KRT8: variants seen among roughly 807,000 people sequenced by gnomAD.
KRT8 encodes keratin 8, also known as keratin, type II cytoskeletal 8.
Under a neutral mutation model 43.0 loss-of-function variants are expected in KRT8, and 24 were observed. The ratio of observed to expected loss-of-function variants is 0.56; its 90% CI spans 0.40 to 0.78. The LOEUF is 0.78. Among genes scored for constraint, KRT8 ranks in the 30% least tolerant of loss-of-function variants. KRT8 has a pLI of 0.00. For synonymous variants in KRT8, 214 were observed against 261.2 expected (o/e 0.82, Z 1.74); for missense variants, 492 against 638.4 (o/e 0.77, Z 2.47).
At chr12:52,908,248 C>T (rs755736556), upstream of KRT8, among the ~76,000 whole-genome samples, 3 of 151,674 alleles carry the variant, frequency 2.0e-5, no homozygotes, top group Non-Finnish European at 4.4e-5. Context: ...TTTTTTGAGA[C>T]GGAGTCTCGC....
At position 52,919,883 on chromosome 12, in the gene KRT8, G is replaced by A. The variant is rs557425908; in HGVS notation, c.-46-14856C>T. 5.3e-5 allele frequency among the ~76,000 whole-genome samples: 8 copies of A among 151,802 alleles called. No homozygotes were observed. In the South Asian group the frequency reaches 1.7e-3, roughly 32 times the overall value. On this transcript the variant is annotated intron_variant, in intron 2 of 6. Transcript: ENST00000546826. ...GGCTAGTCTTGAACTCCTGACCTCA[G>A]GGGATCTGCCTGCCTTGGCCTCCCA...
intron 2 of KRT8, chr12:52,946,633 T>C (rs1942348277): frequency 6.6e-6 from 1 of 152,188 alleles, no homozygotes; most frequent in Non-Finnish European, 1.5e-5. Context: ...CCACATACTT[T>C]ATTATAAAAT....
At chr12:52,901,052 G>T in intron 3 of KRT8, 107 bp downstream of exon 3, 1 of 843,146 alleles carries the variant, frequency 1.2e-6, no homozygotes, top group Non-Finnish European at 2.1e-6. Context: ...AAATGAGTTT[G>T]TCCCACTACT....
At chr12:52,944,027 A>G (rs1038982429) in intron 2 of KRT8, among the ~76,000 whole-genome samples, 1 of 152,200 alleles carries the variant, frequency 6.6e-6, no homozygotes, top group Non-Finnish European at 1.5e-5. Flanking sequence ...TAAGTGCAAA[A>G]GAACAAGGGG....
chr12:52,897,206 G>A lies in KRT8; in HGVS notation c.*222C>T, dbSNP rs757848546. On this transcript the variant is annotated 3_prime_UTR_variant, in exon 8 of 8. Coordinates refer to ENST00000692008, the Ensembl canonical transcript of KRT8. ...AGCAAGGACATTGGCAGAGCTAGCT[G>A]AGGTTTTATTTTGGACCAAAAAAAA... 7.8e-6 allele frequency: 5 copies of A among 641,530 alleles called. No individual in the cohort carries two copies. In the African/African-American group the frequency reaches 9.0e-5, roughly 12 times the overall value. 39.7% of individuals were successfully genotyped at this position (641,530 alleles called of 1,614,324 possible).
chr12:52,929,122 T>C (rs914075842), intron 2 of KRT8, among the ~76,000 whole-genome samples: 3 of 151,758 alleles, frequency 2.0e-5, no homozygotes, highest in Non-Finnish European at 4.4e-5. Context: ...TCTTTTCAAA[T>C]CTTTTCTTCC....
chr12:52,922,501 C>T (rs146335365), intron 2 of KRT8, among the ~76,000 whole-genome samples: 14 of 152,248 alleles, frequency 9.2e-5, no homozygotes, highest in African/African-American at 2.4e-4. Context: ...GGCGAAACCC[C>T]GTCTCTACTG....
At chr12:52,919,360 G>A (rs146073224) in intron 2 of KRT8, among the ~76,000 whole-genome samples, 6 of 152,186 alleles carry the variant, frequency 3.9e-5, no homozygotes, top group South Asian at 2.1e-4. Flanking sequence ...TTCGCTTCCC[G>A]GGTTCAAGCA....
At chr12:52,932,946 T>C (rs1942108434) in intron 2 of KRT8, among the ~76,000 whole-genome samples, 2 of 152,096 alleles carry the variant, frequency 1.3e-5, no homozygotes, top group Non-Finnish European at 2.9e-5. Flanking sequence ...TGTTTTTTGT[T>C]TTTGTTTTTA....
chr12:52,902,034 G>C lies in KRT8; in HGVS notation c.363C>G (p.Thr121=), dbSNP rs767641793. The C allele has an allele frequency of 2.5e-6, 4 of 1,603,194 alleles. No individual in the cohort carries two copies. In the South Asian group the frequency reaches 3.3e-5, roughly 13 times the overall value. Residue 121 remains threonine (T), a synonymous_variant, in exon 2 of 8, where the codon ACC becomes ACG. Coordinates refer to ENST00000692008, the Ensembl canonical transcript of KRT8. ...TCTGCTGCTGCAGGAGGCTCCACTT[G>C]GTCTCCAGCATCTTGTTCTGCTGCT...
At chr12:52,936,814 T>C (rs536154316) in intron 2 of KRT8, among the ~76,000 whole-genome samples, 14 of 152,056 alleles carry the variant, frequency 9.2e-5, no homozygotes, top group Non-Finnish European at 2.1e-4. Context: ...TGTGCCCAGC[T>C]GCTAGATTTC....
chr12:52,908,123 G>A (rs1238518904), upstream of KRT8, among the ~76,000 whole-genome samples: 1 of 152,216 alleles, frequency 6.6e-6, no homozygotes, highest in Non-Finnish European at 1.5e-5. Flanking sequence ...ATTCAGAGAA[G>A]GCCCTGAGAC....
chr12:52,934,153 C>T (rs1023215825), intron 2 of KRT8, among the ~76,000 whole-genome samples: 3 of 151,754 alleles, frequency 2.0e-5, no homozygotes, highest in Non-Finnish European at 4.4e-5. Flanking sequence ...TGCTTGAACC[C>T]AGGAGGCGGA....
chr12:52,924,438 G>C (rs1364494047), intron 2 of KRT8, among the ~76,000 whole-genome samples: 1 of 142,568 alleles, frequency 7.0e-6, no homozygotes, highest in Non-Finnish European at 1.5e-5. Flanking sequence ...GACAGAGGGA[G>C]ACTCCGTCTC....
At chr12:52,938,172 T>TATATATGTA (rs1565733045) in intron 2 of KRT8, among the ~76,000 whole-genome samples, 2 of 22,420 alleles carry the variant, frequency 8.9e-5, no homozygotes, top group African/African-American at 3.4e-4. Flanking sequence ...ATATATATAT[T>TATATATGTA]TTTTTTTTTT....
chr12:52,948,657 A>C (rs2120757705), intron 2 of KRT8: 2 of 331,782 alleles, frequency 6.0e-6, no homozygotes, highest in East Asian at 4.5e-5. Flanking sequence ...ACGTCCGGCT[A>C]ATTTTTTGTA....
chr12:52,902,927 G>A (rs1565718604), intron 1 of KRT8, among the ~76,000 whole-genome samples: 2 of 152,096 alleles, frequency 1.3e-5, no homozygotes, highest in African/African-American at 2.4e-5. Flanking sequence ...CAGGAGAATC[G>A]CTTGAACCCA....
intron 5 of KRT8, among the ~76,000 whole-genome samples, chr12:52,899,137 A>G (rs1238175095): frequency 6.6e-6 from 1 of 151,868 alleles, no homozygotes; most frequent in Non-Finnish European, 1.5e-5. Flanking sequence ...ACACAGTGAA[A>G]CCCCGTCTCT....
At chr12:52,927,561 G>T (rs534450475) in intron 2 of KRT8, among the ~76,000 whole-genome samples, 1 of 152,220 alleles carries the variant, frequency 6.6e-6, no homozygotes, top group Non-Finnish European at 1.5e-5. Flanking sequence ...GGGTGGAGTC[G>T]CGAGGGCCCT....
Sources: gnomAD v4.1 joint callset for allele counts (sites outside exome capture counted in the v4.1 genomes callset) on GRCh38, gnomAD v4.1.1 for gene constraint, MANE v1.5 for transcripts, NCBI Gene and HGNC (gene_info 2026-07-23, HGNC 2026-07-21) for gene names.